The following ZSWIM7 variants were observed in gnomAD, a reference collection of about 807,000 sequenced individuals.
The protein encoded by ZSWIM7 is zinc finger SWIM domain-containing protein 7.
A neutral mutation model predicts 21.1 loss-of-function variants in ZSWIM7; 22 were observed. The ratio of observed to expected loss-of-function variants is 1.04; its 90% CI spans 0.74 to 1.49. The LOEUF (loss-of-function observed/expected upper bound fraction) is 1.49. Among genes scored for constraint, ZSWIM7 ranks in the 40% most tolerant of loss-of-function variants. The pLI is 0.00. For synonymous variants in ZSWIM7, 67 were observed against 66.5 expected, an observed-to-expected ratio of 1.01 and a Z score of -0.04; for missense variants, 193 against 168.0, an observed-to-expected ratio of 1.15 and a Z score of -0.82.
Position 15,981,157 on chromosome 17 carries a change from G to T in ZSWIM7, c.202-13C>A, listed in dbSNP as rs752995061. The T allele has an allele frequency of 5.0e-6, 8 of 1,602,810 alleles. No individual in the cohort carries two copies. The highest frequency in any genetic ancestry group is 6.8e-6 in the Non-Finnish European group (8 of 1,170,366). On this transcript the variant is annotated splice_polypyrimidine_tract_variant and intron_variant, in intron 3 of 4. Coordinates refer to ENST00000399277, the MANE Select transcript of ZSWIM7 (RefSeq NM_001042697.2). Reference sequence around the variant, plus strand: ...AACTTCCAAGGACCTACAAAGAAAGGATAGATGGGATCAGACCTCAGATGT... The same window carrying T: ...AACTTCCAAGGACCTACAAAGAAAGTATAGATGGGATCAGACCTCAGATGT...
In ZSWIM7 at chr17:15,999,508, C is replaced by A; in HGVS notation, c.76+11G>T. ...CCCATGGCGCAGCCACACACGACCT[C>A]GGTCCCGTACTTCGCGCGCTCTCCT... On this transcript the variant is annotated intron_variant, in intron 1 of 4. Coordinates refer to ENST00000399277, the MANE Select transcript of ZSWIM7 (RefSeq NM_001042697.2). The A allele has an allele frequency of 6.3e-7, 1 of 1,598,118 alleles. No individual in the cohort carries two copies. The highest frequency in any genetic ancestry group is 8.5e-7 in the Non-Finnish European group (1 of 1,177,934).
Position 15,999,524 on chromosome 17 carries a change from G to T in ZSWIM7, c.71C>A (p.Ala24Glu). 1.9e-6 allele frequency: 3 copies of T among 1,600,286 alleles called. No homozygotes were observed. The highest frequency in any genetic ancestry group is 1.7e-6 in the Non-Finnish European group (2 of 1,177,900). The change falls in exon 1 of 5, where the codon GCG becomes GAG. Residue 24 changes from alanine to glutamate, a missense_variant. Ala to Glu is a moderately radical substitution (Grantham distance 107). Coordinates refer to ENST00000399277, the MANE Select transcript of ZSWIM7 (RefSeq NM_001042697.2). ...ACACGACCTCGGTCCCGTACTTCGC[G>T]CGCTCTCCTGCACCGCCGCCGCCAT... The part of the protein sequence containing the change: ...SEMAAAVQES[A>E]RIPDEYLLSL...
intron 3 of ZSWIM7, chr17:15,986,885 C>G (rs954729070): frequency 6.5e-6 from 1 of 154,060 alleles, no homozygotes; most frequent in Non-Finnish European, 1.4e-5. Flanking sequence ...CATAGTGAGA[C>G]CCTGTCTCTA....
intron 3 of ZSWIM7, among the ~76,000 whole-genome samples, chr17:15,983,383 T>C (rs1292673489): frequency 6.8e-6 from 1 of 147,000 alleles, no homozygotes; most frequent in East Asian, 2.0e-4. Context: ...TCCACCCAGT[T>C]ACAAATTAGG....
chr17:15,990,520 C>T (rs1400210135), intron 2 of ZSWIM7, among the ~76,000 whole-genome samples: 1 of 151,852 alleles, frequency 6.6e-6, no homozygotes, highest in African/African-American at 2.4e-5. Context: ...GCTGGGATTA[C>T]AGGCATGAGC....
chr17:15,981,982 C>T (rs1344069301), intron 3 of ZSWIM7, among the ~76,000 whole-genome samples: 3 of 152,098 alleles, frequency 2.0e-5, no homozygotes, highest in African/African-American at 7.2e-5. Flanking sequence ...CATTTGAGAG[C>T]AGAGAGAATA....
chr17:15,988,276 T>G (rs1970440400), intron 2 of ZSWIM7, among the ~76,000 whole-genome samples: 1 of 152,212 alleles, frequency 6.6e-6, no homozygotes, highest in African/African-American at 2.4e-5. Flanking sequence ...AATGCATTTT[T>G]GAAAATGAGG....
At chr17:15,982,017 G>C (rs1001330157) in intron 3 of ZSWIM7, among the ~76,000 whole-genome samples, 3 of 152,164 alleles carry the variant, frequency 2.0e-5, no homozygotes, top group African/African-American at 7.2e-5. Flanking sequence ...CCTTGCGAAA[G>C]GAATGACTCA....
intron 2 of ZSWIM7, among the ~76,000 whole-genome samples, chr17:15,991,455 T>C (rs1174288606): frequency 1.3e-5 from 2 of 152,226 alleles, no homozygotes; most frequent in Admixed American, 1.3e-4. Flanking sequence ...CCCTGCAATT[T>C]ACATTCCTGT....
rs1970302420 is a variant in ZSWIM7, at chr17:15,978,136, T to G, written c.334A>C (p.Ser112Arg). ...LCKHLLAVYL[S>R]QVMRTCQQLS... ...TGCTGACAGGTCCTCATAACCTGAC[T>G]CAGGTAAACTGCCAAGAGATGCTTG... The change falls in exon 5 of 5, where the codon AGT becomes CGT. Residue 112 changes from serine (S) to arginine (R), a missense_variant. Ser to Arg is a moderately radical substitution (Grantham distance 110). Coordinates refer to ENST00000399277, the MANE Select transcript of ZSWIM7 (RefSeq NM_001042697.2). 1 of 1,613,988 alleles carries G rather than the reference T, an allele frequency of 6.2e-7. No homozygotes were observed. The highest frequency in any genetic ancestry group is 8.5e-7 in the Non-Finnish European group (1 of 1,179,974).
At chr17:15,995,687 C>T (rs1270606311) in intron 1 of ZSWIM7, among the ~76,000 whole-genome samples, 1 of 150,698 alleles carries the variant, frequency 6.6e-6, no homozygotes, top group Admixed American at 6.6e-5. Context: ...ACAGAAGCCA[C>T]AGTAAGTCAA....
intron 1 of ZSWIM7, among the ~76,000 whole-genome samples, chr17:15,996,337 ACTTTTT>A (rs2151632473): frequency 6.6e-6 from 1 of 151,848 alleles, no homozygotes. Context: ...AAACCCCACA[ACTTTTT>A]CAGACATAAG....
At position 15,999,671 on chromosome 17, in the gene ZSWIM7, C is replaced by T. The variant is rs753100200; in HGVS notation, c.-77G>A. 528 of 1,560,742 alleles carry T rather than the reference C, an allele frequency of 3.4e-4. No homozygotes were observed. Among genetic ancestry groups the T allele is most frequent in the Non-Finnish European group, 4.2e-4 (481 of 1,153,548 alleles). On this transcript the variant is annotated 5_prime_UTR_variant, in exon 1 of 5. Coordinates refer to ENST00000399277, the MANE Select transcript of ZSWIM7 (RefSeq NM_001042697.2). ...CTGACTGCGCCTACCTGTGGAGGAT[C>T]CTGACCCCCCGCCGGGGCAGGGCGA...
At chr17:15,978,527 G>C (rs1024330112) in intron 4 of ZSWIM7, among the ~76,000 whole-genome samples, 2 of 152,212 alleles carry the variant, frequency 1.3e-5, no homozygotes, top group Non-Finnish European at 2.9e-5. Flanking sequence ...GAACCCAGGA[G>C]GTGGAGGTTG....
chr17:15,989,720 C>A (rs562644266), intron 2 of ZSWIM7, among the ~76,000 whole-genome samples: 1 of 151,906 alleles, frequency 6.6e-6, no homozygotes, highest in East Asian at 1.9e-4. Flanking sequence ...AGCCTGAACC[C>A]CCTGGGCTCA....
chr17:15,988,573 G>A (rs1970443600), intron 2 of ZSWIM7, among the ~76,000 whole-genome samples: 1 of 151,924 alleles, frequency 6.6e-6, no homozygotes, highest in Non-Finnish European at 1.5e-5. Context: ...CCAGCATTTT[G>A]GAAGGCTGAG....
chr17:15,979,824 G>C (rs1218695261), intron 4 of ZSWIM7, among the ~76,000 whole-genome samples: 10 of 109,544 alleles, frequency 9.1e-5, no homozygotes, highest in South Asian at 2.9e-4. Flanking sequence ...CCCGGACGGG[G>C]GGCTGACCCC....
chr17:15,986,000 CTCTTT>C (rs1275961609), intron 3 of ZSWIM7, among the ~76,000 whole-genome samples: 3 of 152,138 alleles, frequency 2.0e-5, no homozygotes, highest in African/African-American at 4.8e-5. Flanking sequence ...AATTGGCAGT[CTCTTT>C]TGAGTAGGAC....
intron 1 of ZSWIM7, among the ~76,000 whole-genome samples, chr17:15,994,442 C>T (rs2151630862): frequency 6.6e-6 from 1 of 152,310 alleles, no homozygotes; most frequent in Non-Finnish European, 1.5e-5. Context: ...CTCTCCCCTT[C>T]CCCAAACCCT....
Sources: allele counts gnomAD v4.1 joint callset (sites outside exome capture counted in the v4.1 genomes callset), GRCh38; gene constraint gnomAD v4.1.1; transcripts MANE v1.5; gene names NCBI Gene and HGNC (gene_info 2026-07-23, HGNC 2026-07-21).